PTPN1: variants seen among roughly 807,000 people sequenced by gnomAD.
PTPN1 encodes the protein protein tyrosine phosphatase non-receptor type 1, also known as tyrosine-protein phosphatase non-receptor type 1.
In PTPN1, 12 loss-of-function variants were observed where a neutral mutation model predicts 59.9. The ratio of observed to expected loss-of-function variants is 0.20; its 90% CI spans 0.13 to 0.32. The LOEUF is 0.32. Ranked by LOEUF, PTPN1 falls within the 10% of genes least tolerant of loss-of-function variation. The pLI, the probability that PTPN1 is intolerant of heterozygous loss-of-function variation, is 1.00. For missense variants in PTPN1, 356 were observed against 549.2 expected (o/e 0.65, Z 3.52); for synonymous variants, 178 against 203.6 (o/e 0.87, Z 1.07).
chr20:50,575,895 C>G (rs1056396734), intron 5 of PTPN1, among the ~76,000 whole-genome samples: 7 of 152,134 alleles, frequency 4.6e-5, no homozygotes, highest in Non-Finnish European at 7.3e-5. Flanking sequence ...CCACTGCACT[C>G]TAGCCTGGGT....
chr20:50,558,969 G>A (rs192246350), intron 1 of PTPN1, among the ~76,000 whole-genome samples: 415 of 151,568 alleles, frequency 2.7e-3, no homozygotes, highest in Non-Finnish European at 2.9e-3. Context: ...ATGCTCCAGT[G>A]GATTACTGGG....
chr20:50,579,835 T>TG lies in PTPN1; in HGVS notation c.1000dup (p.Val334GlyfsTer9), dbSNP rs768019051. ...CAGGGAGTTCTTCCCAAATCACCAG[T>TG]GGGTGAAGGAAGAGACCCAGGAGGA... On this transcript the variant is annotated frameshift_variant, in exon 8 of 10. Coordinates refer to ENST00000371621, the MANE Select transcript of PTPN1 (RefSeq NM_002827.4). LOFTEE classifies it high-confidence loss of function. 1.2e-6 allele frequency: 2 copies of TG among 1,613,906 alleles called. No homozygotes were observed.
intron 1 of PTPN1, among the ~76,000 whole-genome samples, chr20:50,541,745 T>C (rs1368077488): frequency 2.6e-5 from 4 of 152,176 alleles, no homozygotes; most frequent in African/African-American, 9.7e-5. Context: ...TGCTGAGGTT[T>C]CCTTTGAAGC....
intron 3 of PTPN1, among the ~76,000 whole-genome samples, chr20:50,565,487 C>G (rs1194299234): frequency 2.0e-5 from 3 of 152,176 alleles, no homozygotes; most frequent in Non-Finnish European, 4.4e-5. Flanking sequence ...CAGAGTAGCT[C>G]AGCATGGTTC....
rs572183176 is a variant in PTPN1 at position 50,566,146 on chromosome 20, C to A, written c.255+1077C>A. ...ACCAGGCCCTGAGCCCCTGGTCCTCCCAGCACCTCTGGGGTATTTAGGGGA... is the reference window on the plus strand; with the variant it reads ...ACCAGGCCCTGAGCCCCTGGTCCTCACAGCACCTCTGGGGTATTTAGGGGA... On this transcript the variant is annotated intron_variant, in intron 3 of 9. Transcript: ENST00000371621. 6.6e-5 allele frequency among the ~76,000 whole-genome samples: 10 copies of A among 152,256 alleles called. No homozygotes were observed. In the East Asian group the frequency reaches 1.9e-3, roughly 29 times the overall value.
intron 1 of PTPN1, among the ~76,000 whole-genome samples, chr20:50,530,955 T>C (rs6020585): frequency 0.52 from 79,019 of 151,880 alleles, 21,076 homozygotes; most frequent in African/African-American, 0.66. Flanking sequence ...CCTCCTGCCT[T>C]GACCTCCCAA....
intron 1 of PTPN1, among the ~76,000 whole-genome samples, chr20:50,526,929 T>G (rs766344363): frequency 1.3e-5 from 2 of 152,130 alleles, no homozygotes; most frequent in Non-Finnish European, 2.9e-5. Flanking sequence ...ATTGAGCCCC[T>G]AGAAATCCAG....
intron 1 of PTPN1, among the ~76,000 whole-genome samples, chr20:50,548,938 G>T (rs576760548): frequency 1.2e-4 from 18 of 152,276 alleles, no homozygotes; most frequent in African/African-American, 4.3e-4. Flanking sequence ...GGCTGGTCTT[G>T]AACTTGTGAC....
chr20:50,541,315 A>T (rs1219622070), intron 1 of PTPN1, among the ~76,000 whole-genome samples: 2 of 152,124 alleles, frequency 1.3e-5, no homozygotes, highest in African/African-American at 2.4e-5. Context: ...TATTTTCTCA[A>T]TCCAAATCCA....
In PTPN1 at chr20:50,568,348, A is replaced by T; in HGVS notation, c.256-32A>T. 1 of 1,578,364 alleles carries T rather than the reference A, an allele frequency of 6.3e-7. No homozygotes were observed. The highest frequency in any genetic ancestry group is 8.7e-7 in the Non-Finnish European group (1 of 1,147,614). On this transcript the variant is annotated intron_variant, in intron 3 of 9. Coordinates refer to ENST00000371621, the MANE Select transcript of PTPN1 (RefSeq NM_002827.4). This position sits in a 1 kb window ranked among gnomAD's most constrained non-coding sequence, Gnocchi z 5.6. ...CACGCTGTAGCATGTTATGTTTCAGATGTCACATGTTGTGTTATTGTGTCT... is the reference window on the plus strand; with the variant it reads ...CACGCTGTAGCATGTTATGTTTCAGTTGTCACATGTTGTGTTATTGTGTCT...
intron 1 of PTPN1, among the ~76,000 whole-genome samples, chr20:50,548,101 G>A (rs1240247405): frequency 6.6e-6 from 1 of 152,122 alleles, no homozygotes; most frequent in Non-Finnish European, 1.5e-5. Flanking sequence ...ATTTTGAGGT[G>A]TGGACTGGAG....
intron 5 of PTPN1, chr20:50,575,157 T>C (rs1419717122): frequency 6.4e-6 from 1 of 155,042 alleles, no homozygotes; most frequent in Non-Finnish European, 1.4e-5. Flanking sequence ...TCTTGGAACA[T>C]GGCAAGGCAT....
rs752809061 is a variant in PTPN1 at position 50,579,708 on chromosome 20, G to T, written c.870G>T (p.Gln290His). The T allele has an allele frequency of 3.5e-5, 57 of 1,611,474 alleles. No individual in the cohort carries two copies. Among genetic ancestry groups the T allele is most frequent in the Non-Finnish European group, 4.7e-5 (56 of 1,179,242 alleles). Residue 290 changes from glutamine (Q) to histidine (H), a missense_variant, in exon 8 of 10, where the codon CAG becomes CAT. Physicochemically the swap from Gln to His is conservative, Grantham distance 24. This residue lies in a region of PTPN1 where 100 missense variants were observed against 107.7 expected (regional missense o/e 0.93). Coordinates refer to ENST00000371621, the MANE Select transcript of PTPN1 (RefSeq NM_002827.4). ...CCTCTTGCTGCTCTTTCAAGGATCA[G>T]TGGAAGGAGCTTTCCCACGAGGACC... ...FIMGDSSVQD[Q>H]WKELSHEDLE...
At chr20:50,533,764 T>C (rs1292467539) in intron 1 of PTPN1, among the ~76,000 whole-genome samples, 1 of 151,708 alleles carries the variant, frequency 6.6e-6, no homozygotes, top group Non-Finnish European at 1.5e-5. Flanking sequence ...ACCAAGAAGA[T>C]AGGTCAGGTG....
At chr20:50,581,766 C>A (rs1286074759) in intron 9 of PTPN1, among the ~76,000 whole-genome samples, 1 of 149,404 alleles carries the variant, frequency 6.7e-6, no homozygotes, top group Non-Finnish European at 1.5e-5. Context: ...TTTTTTTATT[C>A]CTTTGTTTTT....
chr20:50,526,216 CTGT>C (rs1381491545), intron 1 of PTPN1, among the ~76,000 whole-genome samples: 2 of 151,994 alleles, frequency 1.3e-5, no homozygotes, highest in African/African-American at 2.4e-5. Context: ...TGCTTGCCTT[CTGT>C]TGTTGTATTT....
At chr20:50,552,786 T>C (rs1174209093) in intron 1 of PTPN1, among the ~76,000 whole-genome samples, 1 of 151,954 alleles carries the variant, frequency 6.6e-6, no homozygotes, top group Non-Finnish European at 1.5e-5. Flanking sequence ...TCCACCACTT[T>C]GCCCCTCACT....
chr20:50,526,908 A>T lies in PTPN1; in HGVS notation c.63+16318A>T, dbSNP rs566584875. On this transcript the variant is annotated intron_variant, in intron 1 of 9. Coordinates refer to ENST00000371621, the MANE Select transcript of PTPN1 (RefSeq NM_002827.4). ...GGCTCCTAAGCGCTGCTGGAAAAAA[A>T]ATCCCCCAGTATTGAGCCCCTAGAA... Among the ~76,000 whole-genome samples the T allele has an allele frequency of 1.2e-4, 18 of 152,200 alleles. No individual in the cohort carries two copies. In the South Asian group the frequency reaches 3.7e-3, roughly 32 times the overall value.
At chr20:50,578,078 A>G (rs2426163) in intron 5 of PTPN1, 112,783 of 182,188 alleles carry the variant, frequency 0.62, 35,063 homozygotes, top group Middle Eastern at 0.76. Context: ...ACAAGATTTT[A>G]TGGGTGGCTG....
Sources: gnomAD v4.1 joint callset for allele counts (sites outside exome capture counted in the v4.1 genomes callset) on GRCh38, gnomAD v4.1.1 for gene constraint, gnomAD v4.1.1 regional missense constraint, Gnocchi (gnomAD v3.1) non-coding constraint, MANE v1.5 for transcripts, NCBI Gene and HGNC (gene_info 2026-07-23, HGNC 2026-07-21) for gene names.